The following DSCAM variants were observed in gnomAD, a reference collection of about 807,000 sequenced individuals.
The protein encoded by DSCAM is cell adhesion molecule DSCAM.
Under a neutral mutation model 217.7 loss-of-function variants are expected in DSCAM, and 47 were observed. That is an observed-to-expected ratio of 0.22 (90% CI 0.17 to 0.28). DSCAM has a LOEUF of 0.28. DSCAM is among the 10% of genes least tolerant of loss of function. The pLI is 1.00. For missense variants in DSCAM, 2,080 were observed against 2,618.3 expected (o/e 0.79, Z 4.49); for synonymous variants, 1,056 against 1,015.3 (o/e 1.04, Z -0.76).
chr21:40,690,013 C>A (rs1442486885), intron 3 of DSCAM, among the ~76,000 whole-genome samples: 1 of 152,194 alleles, frequency 6.6e-6, no homozygotes, highest in African/African-American at 2.4e-5. Flanking sequence ...GCGGCCTCCA[C>A]CCCGGCACAG....
chr21:40,612,284 C>A (rs186969022), intron 3 of DSCAM, among the ~76,000 whole-genome samples: 1 of 152,166 alleles, frequency 6.6e-6, no homozygotes, highest in Non-Finnish European at 1.5e-5. Context: ...CCAAGAGAAT[C>A]TGGTGGATGT....
At chr21:40,390,030 C>T (rs899870640) in intron 3 of DSCAM, among the ~76,000 whole-genome samples, 3 of 152,302 alleles carry the variant, frequency 2.0e-5, no homozygotes, top group African/African-American at 7.2e-5. Flanking sequence ...ATTCCCCCAC[C>T]ACCCCACCCT....
intron 3 of DSCAM, among the ~76,000 whole-genome samples, chr21:40,389,357 GT>G (rs1416812139): frequency 6.6e-6 from 1 of 152,026 alleles, no homozygotes; most frequent in African/African-American, 2.4e-5. Context: ...AAAGAGGACC[GT>G]TAAAAAACAG....
At chr21:40,622,410 C>A (rs2089533068) in intron 3 of DSCAM, among the ~76,000 whole-genome samples, 1 of 152,022 alleles carries the variant, frequency 6.6e-6, no homozygotes, top group Non-Finnish European at 1.5e-5. Flanking sequence ...CTAATGAACA[C>A]CATAAATTCC....
intron 16 of DSCAM, among the ~76,000 whole-genome samples, chr21:40,159,411 G>T (rs1281133383): frequency 2.6e-5 from 4 of 152,110 alleles, no homozygotes; most frequent in Non-Finnish European, 5.9e-5. Flanking sequence ...CTCCCTGTAC[G>T]GATGGCATCC....
At chr21:40,339,546 G>A (rs1226932609) in intron 6 of DSCAM, 131 bp from the exon 7 acceptor site, 11 of 918,898 alleles carry the variant, frequency 1.2e-5, no homozygotes, top group Non-Finnish European at 1.1e-5. Context: ...TGGTTTTCCT[G>A]ATAAAGCAAA....
intron 11 of DSCAM, among the ~76,000 whole-genome samples, chr21:40,204,550 C>G (rs1259902187): frequency 6.6e-6 from 1 of 152,092 alleles, no homozygotes; most frequent in Non-Finnish European, 1.5e-5. Flanking sequence ...TAACCTTGGC[C>G]TATTTTATAG....
intron 11 of DSCAM, among the ~76,000 whole-genome samples, chr21:40,194,661 T>A (rs16999473): frequency 2.0e-5 from 3 of 152,126 alleles, no homozygotes; most frequent in African/African-American, 7.3e-5. Flanking sequence ...TCTAACAGCA[T>A]CCTTAATGCT....
At chr21:40,385,683 C>T (rs1242535668) in intron 3 of DSCAM, among the ~76,000 whole-genome samples, 2 of 152,174 alleles carry the variant, frequency 1.3e-5, no homozygotes, top group Non-Finnish European at 2.9e-5. Flanking sequence ...GGGTTTGGCT[C>T]TCACATGACC....
chr21:40,254,855 G>A (rs540407394), intron 11 of DSCAM, among the ~76,000 whole-genome samples: 98 of 151,982 alleles, frequency 6.4e-4, no homozygotes, highest in Middle Eastern at 3.4e-3. Context: ...AAAAATCAGC[G>A]TCCTCAGAGT....
intron 1 of DSCAM, among the ~76,000 whole-genome samples, chr21:40,797,927 T>G (rs991898): frequency 0.13 from 19,301 of 152,040 alleles, 1,589 homozygotes; most frequent in East Asian, 0.4. Context: ...TACTAAGAAT[T>G]TTATCTTGTC....
At chr21:40,245,964 C>T (rs1436508430) in intron 11 of DSCAM, among the ~76,000 whole-genome samples, 3 of 152,108 alleles carry the variant, frequency 2.0e-5, no homozygotes, top group African/African-American at 7.2e-5. Flanking sequence ...CCTTTAAGGA[C>T]AGTCACTTTT....
At chr21:40,727,776 A>G (rs1040774405) in intron 1 of DSCAM, among the ~76,000 whole-genome samples, 1 of 152,014 alleles carries the variant, frequency 6.6e-6, no homozygotes, top group Non-Finnish European at 1.5e-5. Context: ...CTCTGTTCTG[A>G]GCTTTTGAGG....
At chr21:40,809,741 T>C (rs78666570) in intron 1 of DSCAM, among the ~76,000 whole-genome samples, 4,320 of 152,228 alleles carry the variant, frequency 0.028, 187 homozygotes, top group East Asian at 0.18. Context: ...TTAACAATTA[T>C]TTGCTGAATT....
chr21:40,311,030 T>C (rs1256005022), intron 9 of DSCAM, among the ~76,000 whole-genome samples: 1 of 152,120 alleles, frequency 6.6e-6, no homozygotes, highest in Non-Finnish European at 1.5e-5. Context: ...AGATAAAAAG[T>C]GCATTTCTTC....
chr21:40,369,001 C>A, intron 4 of DSCAM, 98 bp downstream of exon 4: 2 of 1,334,482 alleles, frequency 1.5e-6, no homozygotes, highest in Non-Finnish European at 2.0e-6. Context: ...TTGAAGGCTC[C>A]ATTTTAGTGG....
chr21:40,575,705 ATAGG>A (rs1372810224), intron 3 of DSCAM, among the ~76,000 whole-genome samples: 5 of 152,206 alleles, frequency 3.3e-5, no homozygotes, highest in African/African-American at 9.6e-5. Flanking sequence ...TCACTAATAA[ATAGG>A]TAGGCAGGCT....
At chr21:40,139,471 T>G (rs914623046) in intron 18 of DSCAM, among the ~76,000 whole-genome samples, 2 of 151,996 alleles carry the variant, frequency 1.3e-5, no homozygotes, top group Non-Finnish European at 2.9e-5. Flanking sequence ...AAGGGTTGCG[T>G]TCTTCTGAGT....
rs747383004 is a variant in DSCAM, at chr21:40,339,303, G to C, written c.1323C>G (p.Thr441=). ...CCTTGAGAATCGGGTCATCGTCCAGGGTCCACGTGATCGTGGGCAAAGGTG... is the reference window on the plus strand; with the variant it reads ...CCTTGAGAATCGGGTCATCGTCCAGCGTCCACGTGATCGTGGGCAAAGGTG... ...KGTPLPTITW[T]LDDDPILKGG... is the part of the protein sequence containing the mutation. Residue 441 remains threonine (T), a synonymous_variant, in exon 7 of 33, where the codon ACC becomes ACG. Transcript: ENST00000400454. 30 of 1,614,016 alleles carry C rather than the reference G, an allele frequency of 1.9e-5. No individual in the cohort carries two copies. The South Asian group carries it at 2.7e-4, about 15-fold the overall frequency.
Sources: allele counts gnomAD v4.1 joint callset (sites outside exome capture counted in the v4.1 genomes callset), GRCh38; gene constraint gnomAD v4.1.1; transcripts MANE v1.5; gene names NCBI Gene and HGNC (gene_info 2026-07-23, HGNC 2026-07-21).